UNC80: variants seen among roughly 807,000 people sequenced by gnomAD.
The protein encoded by UNC80 is protein unc-80 homolog.
Under a neutral mutation model 384.6 loss-of-function variants are expected in UNC80, and 164 were observed. The observed-to-expected ratio is 0.43, with a 90% CI of 0.38 to 0.49. The LOEUF (loss-of-function observed/expected upper bound fraction) is 0.49. Among genes scored for constraint, UNC80 ranks in the 20% least tolerant of loss-of-function variants. UNC80 has a pLI of 0.00. For missense variants in UNC80, 3,330 were observed against 4,143.0 expected, an observed-to-expected ratio of 0.80 and a Z score of 5.39; for synonymous variants, 1,486 against 1,527.8, an observed-to-expected ratio of 0.97 and a Z score of 0.64.
chr2:209,848,626 A>G (rs571810178), intron 21 of UNC80, among the ~76,000 whole-genome samples: 5 of 152,306 alleles, frequency 3.3e-5, no homozygotes, highest in African/African-American at 1.2e-4. Context: ...TCATACTGAC[A>G]TACGTCAATA....
chr2:209,828,604 A>G (rs553923052), intron 14 of UNC80, among the ~76,000 whole-genome samples: 1 of 152,206 alleles, frequency 6.6e-6, no homozygotes, highest in South Asian at 2.1e-4. Flanking sequence ...ACAATTAAGG[A>G]CACTAATACA....
rs948256495 is a variant in UNC80, at chr2:209,872,020, T to C, written c.3628-738T>C. Among the ~76,000 whole-genome samples, 1 of 152,106 alleles carries C rather than the reference T, an allele frequency of 6.6e-6. No individual in the cohort carries two copies. The highest frequency in any genetic ancestry group is 2.4e-5 in the African/African-American group (1 of 41,418). ...CAAGATTGAGCTTCCTTTTCTTTTTTGAGGTGGAGTCTCACTCTGTCTCCC... is the reference window on the plus strand; with the variant it reads ...CAAGATTGAGCTTCCTTTTCTTTTTCGAGGTGGAGTCTCACTCTGTCTCCC... On this transcript the variant is annotated intron_variant, in intron 22 of 64. Coordinates refer to ENST00000673920, the MANE Select transcript of UNC80 (RefSeq NM_001371986.1). The surrounding 1 kb of genome is among the most constrained non-coding windows in gnomAD (Gnocchi z 4.1).
At chr2:209,964,821 GA>G (rs1273853432) in intron 51 of UNC80, among the ~76,000 whole-genome samples, 7 of 151,030 alleles carry the variant, frequency 4.6e-5, no homozygotes, top group Admixed American at 6.6e-5. Context: ...CAGAAGGGGG[GA>G]AATCGACATA....
chr2:209,993,381 C>T lies in UNC80; in HGVS notation c.9463C>T (p.Leu3155=). Residue 3155 remains leucine (L), a synonymous_variant, in exon 63 of 65, where the codon CTG becomes TTG. Transcript: ENST00000673920. ...TEPRNRQGAR[L]STTRRSIQPK... The stretch of plus-strand genomic sequence containing the variant: ...ACCCAGAAATCGCCAAGGGGCTCGG[C>T]TGTCAACCACTCGCAGGAGCATTCA... 6.4e-7 allele frequency: 1 copy of T among 1,551,790 alleles called. No individual in the cohort carries two copies.
intron 12 of UNC80, 37 bp from the exon 13 acceptor site, chr2:209,820,274 T>C: frequency 1.3e-6 from 2 of 1,486,722 alleles, no homozygotes; most frequent in Non-Finnish European, 1.8e-6. Flanking sequence ...GGAGTGCAGG[T>C]AACTTAATCA....
Position 209,994,064 on chromosome 2 carries a change from G to T in UNC80, c.9509-1G>T. On this transcript the variant is annotated splice_acceptor_variant, in intron 63 of 64. Transcript: ENST00000673920. LOFTEE classifies it high-confidence loss of function. ...ATTTACTGTTTCACCTCTACCTGCA[G>T]CGGATCAGAAACGATCTGTGACCTT... The T allele has an allele frequency of 6.5e-7, 1 of 1,548,784 alleles. No homozygotes were observed. The highest frequency in any genetic ancestry group is 8.7e-7 in the Non-Finnish European group (1 of 1,145,518).
At chr2:209,804,221 T>G (rs528801387) in intron 7 of UNC80, among the ~76,000 whole-genome samples, 1 of 152,306 alleles carries the variant, frequency 6.6e-6, no homozygotes, top group South Asian at 2.1e-4. Flanking sequence ...ATACCTGCTC[T>G]GGACATGTAT....
At chr2:209,799,335 A>G (rs1413292073) in intron 7 of UNC80, among the ~76,000 whole-genome samples, 1 of 152,084 alleles carries the variant, frequency 6.6e-6, no homozygotes. Context: ...CTTTGTAGCA[A>G]TTGTGAATGG....
At chr2:209,854,735 A>C (rs921655957) in intron 22 of UNC80, among the ~76,000 whole-genome samples, 1 of 152,212 alleles carries the variant, frequency 6.6e-6, no homozygotes, top group Admixed American at 6.5e-5. Flanking sequence ...ACAAATCAAA[A>C]CTACAATGAG....
intron 5 of UNC80, among the ~76,000 whole-genome samples, chr2:209,789,296 T>C (rs199778520): frequency 4.6e-5 from 7 of 152,204 alleles, no homozygotes; most frequent in Non-Finnish European, 7.3e-5. Flanking sequence ...GCCAACTTTT[T>C]AGCACCTTAA....
At chr2:209,863,768 A>T (rs914398075) in intron 22 of UNC80, among the ~76,000 whole-genome samples, 1 of 151,642 alleles carries the variant, frequency 6.6e-6, no homozygotes, top group Non-Finnish European at 1.5e-5. Context: ...GCTTCTTTTC[A>T]TTCCATTATA....
intron 44 of UNC80, 44 bp from the exon 45 acceptor site, chr2:209,943,336 T>G (rs1273290386): frequency 5.2e-6 from 8 of 1,548,436 alleles, no homozygotes; most frequent in Non-Finnish European, 7.0e-6. Context: ...ACAACTTTGA[T>G]ACTTCATTAA....
chr2:209,823,484 G>A (rs1417914544), intron 13 of UNC80, among the ~76,000 whole-genome samples: 1 of 152,036 alleles, frequency 6.6e-6, no homozygotes, highest in Non-Finnish European at 1.5e-5. Flanking sequence ...AAGCCAGTGA[G>A]GATTGAAATC....
Position 209,954,107 on chromosome 2 carries a change from A to G in UNC80, c.7294A>G (p.Met2432Val). ...TCTTTCTGTCGCTTAAAGTCTTCAG[A>G]TGCTGATGGTCTTAGAAGCCTTAGT... ...YAPESFRSLQ[M>V]LMVLEALVPC... Residue 2432 changes from methionine to valine, a missense_variant, in exon 48 of 65, where the codon ATG (methionine) becomes GTG (valine). Around this residue, in one of 8 missense-constraint regions of UNC80, gnomAD observed 1,049 missense variants for 1,488.6 expected, o/e 0.70. Transcript: ENST00000673920. 2 of 1,546,396 alleles carry G rather than the reference A, an allele frequency of 1.3e-6. No individual in the cohort carries two copies. Among genetic ancestry groups the G allele is most frequent in the Non-Finnish European group, 1.7e-6 (2 of 1,145,700 alleles).
At chr2:209,929,729 A>AC in intron 36 of UNC80, 142 bp from the exon 37 acceptor site, 1 of 557,656 alleles carries the variant, frequency 1.8e-6, no homozygotes, top group Non-Finnish European at 3.1e-6. Context: ...GAGAACAAAC[A>AC]CCTACGTTGC....
At chr2:209,791,310 C>T (rs544424716) in intron 6 of UNC80, among the ~76,000 whole-genome samples, 13 of 152,286 alleles carry the variant, frequency 8.5e-5, no homozygotes, top group South Asian at 2.1e-4. Context: ...ATGTCGCTTT[C>T]TCCTTAGGAA....
intron 29 of UNC80, 68 bp from the exon 30 acceptor site, chr2:209,912,492 G>A: frequency 1.1e-6 from 1 of 947,588 alleles, no homozygotes; most frequent in Non-Finnish European, 1.5e-6. Flanking sequence ...AGAATTGCGG[G>A]GACATATAGC....
chr2:209,896,475 A>G, intron 28 of UNC80, 62 bp downstream of exon 28: 6 of 1,314,100 alleles, frequency 4.6e-6, no homozygotes, highest in Non-Finnish European at 6.5e-6. Context: ...GGAAGATCCA[A>G]GGAGGGAGGA....
intron 13 of UNC80, among the ~76,000 whole-genome samples, 175 bp downstream of exon 13, chr2:209,820,854 A>G (rs1156536498): frequency 6.6e-6 from 1 of 152,204 alleles, no homozygotes; most frequent in African/African-American, 2.4e-5. Context: ...AAACAGTTGA[A>G]TGCAACTGTA....
Sources: allele counts gnomAD v4.1 joint callset (sites outside exome capture counted in the v4.1 genomes callset), GRCh38; gene constraint gnomAD v4.1.1; regional missense constraint gnomAD v4.1.1; non-coding constraint Gnocchi (gnomAD v3.1); transcripts MANE v1.5; gene names NCBI Gene and HGNC (gene_info 2026-07-23, HGNC 2026-07-21).